Variants in DOCK3 observed in about 807,000 individuals in gnomAD.
DOCK3 encodes the protein dedicator of cytokinesis 3.
In DOCK3, 60 loss-of-function variants were observed where a neutral mutation model predicts 265.6. That is an observed-to-expected ratio of 0.23 (90% CI 0.18 to 0.28). The LOEUF (loss-of-function observed/expected upper bound fraction) is 0.28, where lower values mean the gene tolerates loss of function less well. DOCK3 is among the 10% of genes least tolerant of loss of function. The probability of loss-of-function intolerance (pLI) is 1.00; values close to 1 mark genes in which losing one functional copy is unlikely to be tolerated. For synonymous variants in DOCK3, 881 were observed against 938.0 expected, an observed-to-expected ratio of 0.94 and a Z score of 1.11; for missense variants, 1,981 against 2,594.3, an observed-to-expected ratio of 0.76 and a Z score of 5.14.
At chr3:50,888,782 T>C (rs1575455233) in intron 3 of DOCK3, among the ~76,000 whole-genome samples, 1 of 152,112 alleles carries the variant, frequency 6.6e-6, no homozygotes, top group Non-Finnish European at 1.5e-5. Flanking sequence ...ATTTAATAAA[T>C]GGTGCTGGGA....
intron 43 of DOCK3, 37 bp from the exon 44 acceptor site, chr3:51,356,925 C>A (rs751298041): frequency 6.3e-6 from 10 of 1,576,916 alleles, no homozygotes; most frequent in South Asian, 1.2e-5. Flanking sequence ...GGGTTATCAT[C>A]ATTTCTGGGA....
rs558687664 is a variant in DOCK3 at position 51,004,819 on chromosome 3, AACTT to A, written c.316-59623_316-59620del. Among the ~76,000 whole-genome samples the A allele has an allele frequency of 2.6e-3, 396 of 149,812 alleles. 1 individual carries two copies. Among genetic ancestry groups the A allele is most frequent in the African/African-American group, 9.3e-3 (377 of 40,592 alleles). Reference sequence around the variant, plus strand: ...TCACAATGACTTACTATATAGTTATAACTTACTTAAGTGGAATATATTTTCCCAT... The same window carrying A: ...TCACAATGACTTACTATATAGTTATAACTTAAGTGGAATATATTTTCCCAT... On this transcript the variant is annotated intron_variant, in intron 5 of 52. Coordinates refer to ENST00000266037, the MANE Select transcript of DOCK3 (RefSeq NM_004947.5).
chr3:51,079,330 T>G (rs1269485742), intron 7 of DOCK3, among the ~76,000 whole-genome samples: 4 of 151,936 alleles, frequency 2.6e-5, no homozygotes, highest in Non-Finnish European at 5.9e-5. Flanking sequence ...ATTTGTTTGT[T>G]TTATTTTGTT....
At chr3:50,784,098 C>G (rs1333019738) in intron 2 of DOCK3, among the ~76,000 whole-genome samples, 1 of 152,088 alleles carries the variant, frequency 6.6e-6, no homozygotes, top group East Asian at 1.9e-4. Context: ...GAACTCCTGA[C>G]CTCAAGTGAT....
chr3:50,982,415 A>G (rs1158082594), intron 5 of DOCK3, among the ~76,000 whole-genome samples: 1 of 152,086 alleles, frequency 6.6e-6, no homozygotes, highest in Non-Finnish European at 1.5e-5. Flanking sequence ...TGAAGCAGCC[A>G]CTGCCATCGT....
chr3:51,016,475 A>G (rs1294264487), intron 5 of DOCK3, among the ~76,000 whole-genome samples: 6 of 66,530 alleles, frequency 9.0e-5, no homozygotes, highest in Non-Finnish European at 1.6e-4. Context: ...ATATTTCTAC[A>G]TAATATATAT....
rs2087892681 is a variant in DOCK3, at chr3:51,374,031, CTATGT to C, written c.5294-434_5294-430del. Among the ~76,000 whole-genome samples, 1 of 152,176 alleles carries C rather than the reference CTATGT, an allele frequency of 6.6e-6. No homozygotes were observed. Among genetic ancestry groups the C allele is most frequent in the Admixed American group, 6.6e-5 (1 of 15,266 alleles). On this transcript the variant is annotated intron_variant, in intron 49 of 52. Transcript: ENST00000266037. The surrounding 1 kb of genome is among the most constrained non-coding windows in gnomAD (Gnocchi z 4.8). ...AGTATGTCAAGTAATAACAGTGTGG[CTATGT>C]TATCTGAGTGTCTCTGTCTCTGTGT... is the stretch of plus-strand genomic sequence containing the variant.
Position 50,675,388 on chromosome 3 carries a change from C to T in DOCK3, c.37+88C>T, listed in dbSNP as rs2033862648. On this transcript the variant is annotated intron_variant, in intron 1 of 52. Transcript: ENST00000266037. This position sits in a 1 kb window ranked among gnomAD's most constrained non-coding sequence, Gnocchi z 6.1. Reference sequence around the variant, plus strand: ...CGCCTGGATTCGCATCCTCGTGCCCCCGCCACTGCCCGCAGGCTGCGCGGC... The same window carrying T: ...CGCCTGGATTCGCATCCTCGTGCCCTCGCCACTGCCCGCAGGCTGCGCGGC... The T allele has an allele frequency of 9.1e-7, 1 of 1,095,056 alleles. No homozygotes were observed. The highest frequency in any genetic ancestry group is 1.7e-5 in the African/African-American group (1 of 59,714). The allele number at this position is 1,095,056 out of a possible 1,614,324, so 67.8% of individuals were successfully genotyped here. A position where few individuals can be genotyped will look rare whatever the true frequency, so the allele number is the denominator to read the frequency against.
intron 1 of DOCK3, among the ~76,000 whole-genome samples, chr3:50,728,212 A>G (rs1458060468): frequency 6.6e-6 from 1 of 152,248 alleles, no homozygotes; most frequent in African/African-American, 2.4e-5. Flanking sequence ...AGGAAATTAG[A>G]AAATATTTTG....
chr3:50,932,495 C>T (rs951179126), intron 4 of DOCK3, among the ~76,000 whole-genome samples: 1 of 151,854 alleles, frequency 6.6e-6, no homozygotes, highest in Non-Finnish European at 1.5e-5. Context: ...TTTTATTGAC[C>T]CTCAACATTG....
intron 3 of DOCK3, among the ~76,000 whole-genome samples, chr3:50,878,886 G>A (rs955069193): frequency 2.0e-5 from 3 of 152,132 alleles, no homozygotes; most frequent in Non-Finnish European, 2.9e-5. Flanking sequence ...GAGAAAAGTC[G>A]GGTTACCCAC....
intron 9 of DOCK3, among the ~76,000 whole-genome samples, chr3:51,144,148 G>T (rs905565497): frequency 1.3e-4 from 20 of 152,210 alleles, no homozygotes; most frequent in African/African-American, 4.6e-4. Flanking sequence ...TTGACTATGT[G>T]TATGTGGGTT....
chr3:51,200,991 A>G (rs1335320300), intron 12 of DOCK3, among the ~76,000 whole-genome samples: 1 of 152,086 alleles, frequency 6.6e-6, no homozygotes, highest in East Asian at 1.9e-4. Context: ...TTTTGTCACC[A>G]CCAGGCCTGC....
At chr3:51,337,672 G>A (rs2084961083) in intron 35 of DOCK3, among the ~76,000 whole-genome samples, 1 of 152,110 alleles carries the variant, frequency 6.6e-6, no homozygotes, top group Non-Finnish European at 1.5e-5. Flanking sequence ...CTTTCCAGAG[G>A]AGCTTGGCTT....
intron 1 of DOCK3, among the ~76,000 whole-genome samples, chr3:50,738,450 G>A (rs2038790311): frequency 6.6e-6 from 1 of 152,180 alleles, no homozygotes; most frequent in Admixed American, 6.5e-5. Context: ...TGGCAACGAG[G>A]TCCTCAGGGG....
At chr3:50,839,076 T>G (rs752894484) in intron 2 of DOCK3, among the ~76,000 whole-genome samples, 3 of 152,148 alleles carry the variant, frequency 2.0e-5, no homozygotes, top group Non-Finnish European at 4.4e-5. Context: ...GAGAGCATGG[T>G]GTCACATTTG....
chr3:50,687,193 G>A (rs1365696357), intron 1 of DOCK3, among the ~76,000 whole-genome samples: 3 of 151,894 alleles, frequency 2.0e-5, no homozygotes, highest in African/African-American at 7.3e-5. Flanking sequence ...TCCAGCCTGG[G>A]CAACAGGGTG....
At chr3:50,808,214 A>T (rs2043543456) in intron 2 of DOCK3, among the ~76,000 whole-genome samples, 2 of 151,948 alleles carry the variant, frequency 1.3e-5, no homozygotes, top group Non-Finnish European at 2.9e-5. Context: ...AAAAATTAAG[A>T]TCTAAACAAA....
At chr3:50,798,551 C>T (rs978992791) in intron 2 of DOCK3, among the ~76,000 whole-genome samples, 32 of 152,040 alleles carry the variant, frequency 2.1e-4, no homozygotes, top group African/African-American at 7.0e-4. Context: ...CTTACAGGAG[C>T]TCATTTGCCC....
Sources: allele counts gnomAD v4.1 joint callset (sites outside exome capture counted in the v4.1 genomes callset), GRCh38; gene constraint gnomAD v4.1.1; non-coding constraint Gnocchi (gnomAD v3.1); transcripts MANE v1.5; gene names NCBI Gene and HGNC (gene_info 2026-07-23, HGNC 2026-07-21).